The following ATXN1 variants were observed in gnomAD, a reference collection of about 807,000 sequenced individuals.
ATXN1 encodes ataxin-1.
In ATXN1, 8 loss-of-function variants were observed where a neutral mutation model predicts 56.4. The observed-to-expected ratio is 0.14, with a 90% confidence interval of 0.08 to 0.26. The LOEUF (loss-of-function observed/expected upper bound fraction) is 0.26, where lower values mean the gene tolerates loss of function less well. Among genes scored for constraint, ATXN1 ranks in the 10% least tolerant of loss-of-function variants. ATXN1 has a pLI of 1.00. For synonymous variants in ATXN1, 514 were observed against 494.6 expected, an observed-to-expected ratio of 1.04 and a Z score of -0.52; for missense variants, 987 against 1,106.5, an observed-to-expected ratio of 0.89 and a Z score of 1.53.
intron 3 of ATXN1, among the ~76,000 whole-genome samples, chr6:16,638,381 G>C (rs1319322999): frequency 1.3e-5 from 2 of 150,998 alleles, no homozygotes; most frequent in African/African-American, 4.9e-5. Context: ...GGGAGGTTGA[G>C]GCTGCAGTGA....
chr6:16,369,092 G>A (rs958236457), intron 6 of ATXN1, among the ~76,000 whole-genome samples: 10 of 152,030 alleles, frequency 6.6e-5, no homozygotes, highest in South Asian at 2.1e-4. Flanking sequence ...GTGTTCGTCC[G>A]TGCCCCCTCC....
At chr6:16,596,262 GC>G (rs1561771486) in intron 3 of ATXN1, among the ~76,000 whole-genome samples, 1 of 152,128 alleles carries the variant, frequency 6.6e-6, no homozygotes, top group African/African-American at 2.4e-5. Context: ...CTCCCAAAGT[GC>G]TGGATAACAG....
intron 2 of ATXN1, among the ~76,000 whole-genome samples, chr6:16,664,425 C>G (rs1276148342): frequency 3.9e-5 from 6 of 151,926 alleles, no homozygotes; most frequent in Non-Finnish European, 7.4e-5. Flanking sequence ...CATATACCAG[C>G]CGGTACGTTC....
At chr6:16,609,267 T>G in intron 3 of ATXN1, among the ~76,000 whole-genome samples, 1 of 152,112 alleles carries the variant, frequency 6.6e-6, no homozygotes, top group East Asian at 1.9e-4. Flanking sequence ...GCATTCACAT[T>G]CGGAAGGCAC....
rs1743170333 is a variant in ATXN1, at chr6:16,299,487, T to C, written c.*6842A>G. 6.5e-6 allele frequency: 1 copy of C among 152,694 alleles called. No individual in the cohort carries two copies. Among genetic ancestry groups the C allele is most frequent in the African/African-American group, 2.4e-5 (1 of 41,478 alleles). 9.5% of individuals were successfully genotyped at this position (152,694 alleles called of 1,614,324 possible). On this transcript the variant is annotated 3_prime_UTR_variant, in exon 8 of 8. Coordinates refer to ENST00000436367, the MANE Select transcript of ATXN1 (RefSeq NM_001128164.2). ...TCACAATAAAAGCTCTTAACTATTA[T>C]GTATGCACTTAAAATTTTCTTTTCA... is the stretch of plus-strand genomic sequence containing the variant.
intron 3 of ATXN1, among the ~76,000 whole-genome samples, chr6:16,648,653 C>T (rs1308048245): frequency 6.6e-6 from 1 of 152,174 alleles, no homozygotes; most frequent in Non-Finnish European, 1.5e-5. Flanking sequence ...AAATGAAATT[C>T]AGCTAAGGTT....
intron 3 of ATXN1, among the ~76,000 whole-genome samples, chr6:16,655,517 G>T (rs1312710308): frequency 6.6e-6 from 1 of 152,032 alleles, no homozygotes; most frequent in Non-Finnish European, 1.5e-5. Context: ...TATGATGCAG[G>T]CCCTAAATGT....
intron 3 of ATXN1, among the ~76,000 whole-genome samples, chr6:16,606,949 C>T (rs1238356789): frequency 6.9e-6 from 1 of 144,006 alleles, no homozygotes; most frequent in Non-Finnish European, 1.5e-5. Flanking sequence ...TACAATGGTG[C>T]GATCTTGGCT....
chr6:16,754,467 G>A (rs1159075802), intron 1 of ATXN1, among the ~76,000 whole-genome samples: 1 of 152,150 alleles, frequency 6.6e-6, no homozygotes, highest in Non-Finnish European at 1.5e-5. Flanking sequence ...TCCGTAAACA[G>A]GTAAGTGAGC....
chr6:16,698,531 T>C (rs1759213381), intron 2 of ATXN1, among the ~76,000 whole-genome samples: 1 of 151,838 alleles, frequency 6.6e-6, no homozygotes, highest in Non-Finnish European at 1.5e-5. Context: ...ATTTCCACAG[T>C]GTATGGTTTA....
Position 16,586,713 on chromosome 6 carries a change from T to A in ATXN1, c.-488-806A>T, listed in dbSNP as rs113656336. On this transcript the variant is annotated intron_variant, in intron 3 of 7. Coordinates refer to ENST00000436367, the MANE Select transcript of ATXN1 (RefSeq NM_001128164.2). ...AGGCTGATCTTTCTACCAACACTTCTGTAGTTAGTATTAAAACATATCGGG... is the reference window on the plus strand; with the variant it reads ...AGGCTGATCTTTCTACCAACACTTCAGTAGTTAGTATTAAAACATATCGGG... 3.3e-3 allele frequency among the ~76,000 whole-genome samples: 500 copies of A among 152,308 alleles called. 3 individuals are homozygous for A. Among genetic ancestry groups the A allele is most frequent in the African/African-American group, 0.011 (478 of 41,578 alleles).
At chr6:16,403,073 G>C (rs895873397) in intron 6 of ATXN1, among the ~76,000 whole-genome samples, 1 of 152,086 alleles carries the variant, frequency 6.6e-6, no homozygotes, top group African/African-American at 2.4e-5. Flanking sequence ...TACACATGTA[G>C]ATGTGCACGT....
chr6:16,512,131 T>C (rs1316635565), intron 5 of ATXN1, among the ~76,000 whole-genome samples: 3 of 152,196 alleles, frequency 2.0e-5, no homozygotes, highest in African/African-American at 7.2e-5. Flanking sequence ...AGCGTCAGGG[T>C]GATAAAGATA....
intron 2 of ATXN1, among the ~76,000 whole-genome samples, chr6:16,689,715 G>A (rs980528959): frequency 1.3e-5 from 2 of 151,846 alleles, no homozygotes; most frequent in Non-Finnish European, 2.9e-5. Context: ...ATATTAAGCT[G>A]ATTAATATGT....
chr6:16,454,125 C>CAAAAAAAAAAAAAAAAAAAAAAAAA (rs56277549), intron 6 of ATXN1, among the ~76,000 whole-genome samples: 2 of 76,668 alleles, frequency 2.6e-5, no homozygotes, highest in Non-Finnish European at 4.5e-5. Context: ...GACTCTGTCT[C>CAAAAAAAAAAAAAAAAAAAAAAAAA]AAAAAAAAAA....
chr6:16,678,539 A>G (rs1235254195), intron 2 of ATXN1, among the ~76,000 whole-genome samples: 1 of 152,240 alleles, frequency 6.6e-6, no homozygotes, highest in Non-Finnish European at 1.5e-5. Flanking sequence ...ATGAGAAATC[A>G]GAGACAGAAA....
chr6:16,513,686 T>C (rs1448236756), intron 5 of ATXN1, among the ~76,000 whole-genome samples: 1 of 152,116 alleles, frequency 6.6e-6, no homozygotes, highest in Non-Finnish European at 1.5e-5. Flanking sequence ...GCCTTGCTGG[T>C]TTGAAGAAGT....
intron 6 of ATXN1, among the ~76,000 whole-genome samples, chr6:16,434,221 C>T (rs897719686): frequency 2.0e-5 from 3 of 152,106 alleles, no homozygotes; most frequent in African/African-American, 7.2e-5. Flanking sequence ...TTCCTGTTGC[C>T]CATTTTTAGC....
chr6:16,377,549 A>G (rs139057035), intron 6 of ATXN1, among the ~76,000 whole-genome samples: 2,518 of 152,270 alleles, frequency 0.017, 37 homozygotes, highest in Non-Finnish European at 0.022. Flanking sequence ...CCAAGAGCCC[A>G]TGGTCTCGCG....
Sources: allele counts gnomAD v4.1 joint callset (sites outside exome capture counted in the v4.1 genomes callset), GRCh38; gene constraint gnomAD v4.1.1; transcripts MANE v1.5; gene names NCBI Gene and HGNC (gene_info 2026-07-23, HGNC 2026-07-21).